Variants in TNKS observed in about 807,000 individuals in gnomAD.
TNKS encodes the protein poly [ADP-ribose] polymerase tankyrase-1.
TNKS carries 72 observed loss-of-function variants against 135.8 expected under a neutral mutation model. That is an observed-to-expected ratio of 0.53 (90% CI 0.44 to 0.64). The LOEUF is 0.64. Ranked by LOEUF, TNKS falls within the 30% of genes least tolerant of loss-of-function variation. The pLI, the probability that TNKS is intolerant of heterozygous loss-of-function variation, is 0.00. For synonymous variants in TNKS, 849 were observed against 649.3 expected (o/e 1.31, Z -4.68); for missense variants, 1,769 against 1,674.0 (o/e 1.06, Z -0.99).
chr8:9,772,758 G>A (rs1439363993), intron 26 of TNKS, among the ~76,000 whole-genome samples: 1 of 150,878 alleles, frequency 6.6e-6, no homozygotes, highest in Admixed American at 6.6e-5. Flanking sequence ...AAAGGACCAT[G>A]ATGATGTATA....
chr8:9,716,255 A>G (rs1205481127), intron 11 of TNKS, among the ~76,000 whole-genome samples: 1 of 152,170 alleles, frequency 6.6e-6, no homozygotes, highest in Non-Finnish European at 1.5e-5. Flanking sequence ...TCAGCCCATT[A>G]TAAGAGTTTT....
intron 3 of TNKS, among the ~76,000 whole-genome samples, chr8:9,653,591 G>A (rs1030387379): frequency 7.2e-5 from 11 of 151,938 alleles, no homozygotes; most frequent in African/African-American, 1.7e-4. Flanking sequence ...ACTCACTCTC[G>A]TGGTAGCAAA....
chr8:9,738,574 C>T (rs540459789), intron 17 of TNKS, among the ~76,000 whole-genome samples: 2 of 27,232 alleles, frequency 7.3e-5, no homozygotes, highest in African/African-American at 1.8e-4. Flanking sequence ...GCTTTGAATG[C>T]GTCCCAGAGA....
intron 15 of TNKS, among the ~76,000 whole-genome samples, 184 bp downstream of exon 15, chr8:9,733,628 G>C (rs541172721): frequency 1.3e-5 from 2 of 152,246 alleles, no homozygotes; most frequent in Admixed American, 6.5e-5. Context: ...TGCCTAAAGT[G>C]AATATCTGAA....
At chr8:9,607,665 T>A (rs1799282325) in intron 2 of TNKS, among the ~76,000 whole-genome samples, 1 of 152,222 alleles carries the variant, frequency 6.6e-6, no homozygotes. Flanking sequence ...CTTGTTAACA[T>A]GTTGTATTAT....
At position 9,775,459 on chromosome 8, in the gene TNKS, CTATATATATATATATA is replaced by C. The variant is rs59789406; in HGVS notation, c.3898-1161_3898-1146del. ...ACGGAAAAGAATATTATGAATGGTT[CTATATATATATATATA>C]TATATATATATATATATATATATAT... is the stretch of plus-strand genomic sequence containing the variant. On this transcript the variant is annotated intron_variant, in intron 26 of 26. Coordinates refer to ENST00000310430, the MANE Select transcript of TNKS (RefSeq NM_003747.3). Among the ~76,000 whole-genome samples the C allele has an allele frequency of 5.1e-3, 414 of 80,628 alleles. 9 individuals are homozygous for C. Among genetic ancestry groups the C allele is most frequent in the African/African-American group, 0.013 (306 of 23,668 alleles). 52.9% of individuals were successfully genotyped at this position (80,628 alleles called of 152,430 possible).
intron 12 of TNKS, among the ~76,000 whole-genome samples, chr8:9,726,214 A>G (rs1460469748): frequency 6.6e-6 from 1 of 152,080 alleles, no homozygotes; most frequent in Non-Finnish European, 1.5e-5. Context: ...AACATGGTGA[A>G]AACCCATCTC....
intron 9 of TNKS, 35 bp from the exon 10 acceptor site, chr8:9,709,920 T>TGTACA: frequency 6.6e-7 from 1 of 1,516,264 alleles, no homozygotes; most frequent in Middle Eastern, 2.2e-4. Context: ...CATATGGAAG[T>TGTACA]GTATTTTATT....
In TNKS at chr8:9,556,113, C is replaced by A. The variant is rs754873361; in HGVS notation, c.174C>A (p.Ser58=). The change falls in exon 1 of 27, where the codon TCC becomes TCA. Residue 58 remains serine (S), a synonymous_variant. Coordinates refer to ENST00000310430, the MANE Select transcript of TNKS (RefSeq NM_003747.3). ...CCAGCGGCCTGGCCCCCTTCGCCTC[C>A]CCGCGGCACGGCCTAGCGCTGCCGG... The part of the protein sequence containing the change: ...PTASGLAPFA[S]PRHGLALPEG... The A allele has an allele frequency of 6.2e-7, 1 of 1,601,282 alleles. No individual in the cohort carries two copies.
intron 17 of TNKS, among the ~76,000 whole-genome samples, chr8:9,745,445 C>T (rs1806185213): frequency 6.6e-6 from 1 of 152,038 alleles, no homozygotes; most frequent in Non-Finnish European, 1.5e-5. Flanking sequence ...TCACTCTTCA[C>T]CCAGGCTGGA....
intron 11 of TNKS, among the ~76,000 whole-genome samples, chr8:9,717,632 A>C (rs1585369819): frequency 6.6e-6 from 1 of 152,134 alleles, no homozygotes; most frequent in East Asian, 1.9e-4. Context: ...TTCACTTACC[A>C]ACCATTTTCA....
intron 3 of TNKS, among the ~76,000 whole-genome samples, chr8:9,620,100 C>T (rs1039229935): frequency 6.6e-6 from 1 of 152,102 alleles, no homozygotes; most frequent in African/African-American, 2.4e-5. Flanking sequence ...TAGGCAGGCG[C>T]CACCACGCCC....
chr8:9,622,156 C>T (rs1799890831), intron 3 of TNKS, among the ~76,000 whole-genome samples: 1 of 152,126 alleles, frequency 6.6e-6, no homozygotes, highest in African/African-American at 2.4e-5. Context: ...GAATGTAAAA[C>T]TCACACCTTT....
chr8:9,717,101 A>ATATATATATATATTTTTTTTTTT (rs1454492300), intron 11 of TNKS, among the ~76,000 whole-genome samples: 1 of 119,336 alleles, frequency 8.4e-6, no homozygotes, highest in African/African-American at 2.9e-5. Flanking sequence ...ATATATATAT[A>ATATATATATATATTTTTTTTTTT]TTTTCAGGGA....
chr8:9,644,186 G>C (rs142207650), intron 3 of TNKS, among the ~76,000 whole-genome samples: 162 of 152,310 alleles, frequency 1.1e-3, no homozygotes, highest in African/African-American at 3.7e-3. Context: ...TGCTGTGAAT[G>C]GATCTTGGTG....
chr8:9,774,774 G>C (rs914692543), intron 26 of TNKS, among the ~76,000 whole-genome samples: 1 of 152,160 alleles, frequency 6.6e-6, no homozygotes, highest in Non-Finnish European at 1.5e-5. Flanking sequence ...ACGTGTGTCA[G>C]GGATCCCCTT....
chr8:9,634,152 A>G (rs145683502), intron 3 of TNKS, among the ~76,000 whole-genome samples: 13 of 151,160 alleles, frequency 8.6e-5, no homozygotes, highest in African/African-American at 3.1e-4. Flanking sequence ...TAAACCAGAA[A>G]ACATTGAAAT....
intron 26 of TNKS, among the ~76,000 whole-genome samples, chr8:9,773,755 C>G (rs1204443305): frequency 1.3e-5 from 2 of 152,020 alleles, no homozygotes; most frequent in Non-Finnish European, 2.9e-5. Flanking sequence ...AAAAAATGCA[C>G]TCAGCATTTA....
At chr8:9,710,392 T>G (rs1299316693) in intron 11 of TNKS, 172 bp downstream of exon 11, 9 of 637,780 alleles carry the variant, frequency 1.4e-5, no homozygotes, top group Non-Finnish European at 2.2e-5. Flanking sequence ...TTGTTTCTAA[T>G]AAAAATAATT....
Sources: gnomAD v4.1 joint callset for allele counts (sites outside exome capture counted in the v4.1 genomes callset) on GRCh38, gnomAD v4.1.1 for gene constraint, MANE v1.5 for transcripts, NCBI Gene and HGNC (gene_info 2026-07-23, HGNC 2026-07-21) for gene names.